TAOK1: variants seen among roughly 807,000 people sequenced by gnomAD.
TAOK1 encodes the protein TAO kinase 1, also known as serine/threonine-protein kinase TAO1.
A neutral mutation model predicts 138.3 loss-of-function variants in TAOK1; 21 were observed. That is an observed-to-expected ratio of 0.15 (90% CI 0.11 to 0.22). The LOEUF (loss-of-function observed/expected upper bound fraction) is 0.22. Among genes scored for constraint, TAOK1 ranks in the 10% least tolerant of loss-of-function variants. TAOK1 has a pLI of 1.00. For missense variants in TAOK1, 651 were observed against 1,227.7 expected (o/e 0.53, Z 7.02); for synonymous variants, 361 against 398.4 (o/e 0.91, Z 1.12).
intron 1 of TAOK1, among the ~76,000 whole-genome samples, chr17:29,397,409 C>T (rs1275009250): frequency 6.6e-6 from 1 of 151,582 alleles, no homozygotes; most frequent in Non-Finnish European, 1.5e-5. Context: ...CGAGACCAGC[C>T]TGGCCAGCAT....
chr17:29,436,246 A>C (rs949187274), intron 1 of TAOK1, among the ~76,000 whole-genome samples: 2 of 152,228 alleles, frequency 1.3e-5, no homozygotes, highest in Admixed American at 1.3e-4. Context: ...AACATGCTCC[A>C]AAGTTTTTTT....
At chr17:29,402,055 A>G (rs1047358720) in intron 1 of TAOK1, among the ~76,000 whole-genome samples, 5 of 152,044 alleles carry the variant, frequency 3.3e-5, no homozygotes, top group African/African-American at 4.8e-5. Context: ...CTCTCCTTCA[A>G]TCTCTACTGA....
chr17:29,415,896 C>G (rs1158187469), intron 1 of TAOK1, among the ~76,000 whole-genome samples: 1 of 152,160 alleles, frequency 6.6e-6, no homozygotes, highest in East Asian at 1.9e-4. Context: ...GGAGGTTTTT[C>G]TTGCTTCAAA....
intron 1 of TAOK1, among the ~76,000 whole-genome samples, chr17:29,412,742 T>C (rs1421617036): frequency 6.6e-6 from 1 of 152,148 alleles, no homozygotes; most frequent in Non-Finnish European, 1.5e-5. Context: ...TAATAGAGAA[T>C]TTGGCAGTGA....
intron 2 of TAOK1, among the ~76,000 whole-genome samples, chr17:29,451,906 A>C (rs2030248885): frequency 6.6e-6 from 1 of 152,180 alleles, no homozygotes; most frequent in Non-Finnish European, 1.5e-5. Flanking sequence ...TGGATTATTG[A>C]AAAAATGAGA....
rs1469342736 is a variant in TAOK1 at position 29,544,844 on chromosome 17, C to T, written c.*1822C>T. Reference sequence around the variant, plus strand: ...GGCTCCAAGGTAGAACTCTCTAAGTCCCTCTCAATGGCACTCTTTGCCTAG... The same window carrying T: ...GGCTCCAAGGTAGAACTCTCTAAGTTCCTCTCAATGGCACTCTTTGCCTAG... On this transcript the variant is annotated 3_prime_UTR_variant, in exon 20 of 20. Coordinates refer to ENST00000261716, the MANE Select transcript of TAOK1 (RefSeq NM_020791.4). The T allele has an allele frequency of 1.3e-5, 2 of 152,286 alleles. No homozygotes were observed. Among genetic ancestry groups the T allele is most frequent in the East Asian group, 3.9e-4 (2 of 5,186 alleles). 9.4% of individuals were successfully genotyped at this position (152,286 alleles called of 1,614,324 possible).
At chr17:29,471,554 G>T (rs1291303273) in intron 3 of TAOK1, among the ~76,000 whole-genome samples, 1 of 151,904 alleles carries the variant, frequency 6.6e-6, no homozygotes, top group African/African-American at 2.4e-5. Flanking sequence ...TGGAATTACA[G>T]GCGTGAGCCA....
In TAOK1 at chr17:29,495,830, A is replaced by C. The variant is rs923604522; in HGVS notation, c.999+103A>C. ...TTTACCTTATATACCAAGGGTTTCC[A>C]GGTTGTATTTTCTCAACACTGGTCC... is the stretch of plus-strand genomic sequence containing the variant. On this transcript the variant is annotated intron_variant, in intron 11 of 19. Transcript: ENST00000261716. The C allele has an allele frequency of 1.2e-5, 13 of 1,052,772 alleles. No homozygotes were observed. The African/African-American group carries it at 2.1e-4, about 17-fold the overall frequency. 65.2% of individuals were successfully genotyped at this position (1,052,772 alleles called of 1,614,324 possible).
chr17:29,538,461 G>A (rs2032261368), intron 19 of TAOK1, among the ~76,000 whole-genome samples: 1 of 152,156 alleles, frequency 6.6e-6, no homozygotes, highest in Non-Finnish European at 1.5e-5. Flanking sequence ...TGCCTTTCAA[G>A]CAAAGTATGT....
chr17:29,408,715 T>C (rs8080365), intron 1 of TAOK1, among the ~76,000 whole-genome samples: 19,560 of 151,732 alleles, frequency 0.13, 1,394 homozygotes, highest in South Asian at 0.21. Context: ...TTCTTTCTTT[T>C]TTTTTTATTT....
At chr17:29,520,470 G>T (rs2031894270) in intron 16 of TAOK1, among the ~76,000 whole-genome samples, 1 of 151,592 alleles carries the variant, frequency 6.6e-6, no homozygotes, top group Non-Finnish European at 1.5e-5. Flanking sequence ...CTGGAATGCA[G>T]TGGTGTGATC....
intron 1 of TAOK1, among the ~76,000 whole-genome samples, chr17:29,438,127 C>T (rs991985522): frequency 6.6e-6 from 1 of 152,152 alleles, no homozygotes; most frequent in Non-Finnish European, 1.5e-5. Flanking sequence ...AAGACTGTTA[C>T]AAAACATTCA....
intron 19 of TAOK1, among the ~76,000 whole-genome samples, chr17:29,539,672 G>T (rs568208706): frequency 2.0e-5 from 3 of 152,124 alleles, no homozygotes; most frequent in Admixed American, 6.5e-5. Flanking sequence ...CCGACCTCAG[G>T]TGATCCTCGT....
At chr17:29,422,863 A>G (rs998853694) in intron 1 of TAOK1, among the ~76,000 whole-genome samples, 4 of 152,138 alleles carry the variant, frequency 2.6e-5, no homozygotes, top group Admixed American at 2.6e-4. Context: ...CGTCTCTACT[A>G]AACATGCAAA....
intron 18 of TAOK1, among the ~76,000 whole-genome samples, chr17:29,533,250 G>T (rs1292742557): frequency 6.7e-6 from 1 of 148,552 alleles, no homozygotes; most frequent in African/African-American, 2.5e-5. Flanking sequence ...ATGGGCGGCC[G>T]GGCAGAGACG....
At chr17:29,488,540 C>T (rs528233417) in intron 8 of TAOK1, among the ~76,000 whole-genome samples, 1 of 148,640 alleles carries the variant, frequency 6.7e-6, no homozygotes, top group Non-Finnish European at 1.5e-5. Context: ...CCATTGCACT[C>T]CAGGCTGGGC....
In TAOK1 at chr17:29,542,750, C is replaced by T; in HGVS notation, c.2734C>T (p.His912Tyr). ...HSYPGASGWS[H>Y]NPTGGPGPHW... The stretch of plus-strand genomic sequence containing the variant: ...CTACCCGGGAGCTTCTGGTTGGTCA[C>T]ACAACCCTACTGGGGGTCCAGGACC... The change falls in exon 20 of 20, where the codon CAC becomes TAC. Residue 912 changes from histidine to tyrosine, a missense_variant. This residue lies in a region of TAOK1 where 258 missense variants were observed against 548.9 expected (regional missense o/e 0.47). Transcript: ENST00000261716. The T allele has an allele frequency of 6.2e-7, 1 of 1,614,230 alleles. No homozygotes were observed. Among genetic ancestry groups the T allele is most frequent in the African/African-American group, 1.3e-5 (1 of 75,068 alleles).
At chr17:29,495,321 C>G (rs2031390835) in intron 10 of TAOK1, among the ~76,000 whole-genome samples, 1 of 151,916 alleles carries the variant, frequency 6.6e-6, no homozygotes, top group African/African-American at 2.4e-5. Context: ...TATTTTAACT[C>G]TGCATTTTTA....
At chr17:29,475,867 A>G in intron 4 of TAOK1, 96 bp downstream of exon 4, 1 of 865,436 alleles carries the variant, frequency 1.2e-6, no homozygotes, top group East Asian at 2.6e-5. Context: ...AAATGCATGC[A>G]AAAACACCTG....
Sources: gnomAD v4.1 joint callset for allele counts (sites outside exome capture counted in the v4.1 genomes callset) on GRCh38, gnomAD v4.1.1 for gene constraint, gnomAD v4.1.1 regional missense constraint, MANE v1.5 for transcripts, NCBI Gene and HGNC (gene_info 2026-07-23, HGNC 2026-07-21) for gene names.